GARIN4: variants seen among roughly 807,000 people sequenced by gnomAD.
GARIN4 encodes the protein Golgi-associated RAB2 interactor protein 4.
chr1:212,625,821 C>A, the GARIN4 span: 30,419 of 1,614,142 alleles, frequency 0.019, 530 homozygotes, highest in African/African-American at 0.071. Context: ...ATAGCTGGGG[C>A]GGCCACCATC....
At chr1:212,626,318 C>T in the GARIN4 span, 1 of 1,614,162 alleles carries the variant, frequency 6.2e-7, no homozygotes, top group Admixed American at 1.7e-5. Context: ...CTGTGGCAAC[C>T]CGGGGAGCAG....
the GARIN4 span, chr1:212,625,172 G>A: frequency 1.2e-6 from 2 of 1,614,152 alleles, no homozygotes; most frequent in Non-Finnish European, 1.7e-6. Flanking sequence ...CGAAGAGTAT[G>A]CTGGACATGG....
the GARIN4 span, chr1:212,624,779 T>G: frequency 6.9e-7 from 1 of 1,441,454 alleles, no homozygotes; most frequent in Non-Finnish European, 9.1e-7. Context: ...GAGACATCTT[T>G]GTGACCCAGG....
At chr1:212,624,519 TCTCTCAGG>T in the GARIN4 span, 3 of 164,032 alleles carry the variant, frequency 1.8e-5, no homozygotes, top group Non-Finnish European at 3.9e-5. Context: ...GTTTGTAGTC[TCTCTCAGG>T]GAGAGAGACT....
chr1:212,624,590 A>G, the GARIN4 span: 4 of 315,838 alleles, frequency 1.3e-5, no homozygotes, highest in East Asian at 5.4e-5. Context: ...TAGGTCCAGA[A>G]GAAAACCTCT....
the GARIN4 span, chr1:212,625,805 G>A: frequency 1.7e-5 from 27 of 1,614,032 alleles, no homozygotes; most frequent in South Asian, 3.3e-5. Flanking sequence ...ACAGGTGAGC[G>A]CAGCCATAGC....
chr1:212,625,754 G>GC, the GARIN4 span: 1 of 1,613,948 alleles, frequency 6.2e-7, no homozygotes, highest in Non-Finnish European at 8.5e-7. Flanking sequence ...AGGCACCGTA[G>GC]CAGGTGCCTT....
the GARIN4 span, chr1:212,626,592 G>A: frequency 6.2e-7 from 1 of 1,614,080 alleles, no homozygotes; most frequent in Non-Finnish European, 8.5e-7. Flanking sequence ...GCAGAGGGTG[G>A]CCAGGGGCTG....
the GARIN4 span, chr1:212,625,261 G>T: frequency 6.2e-7 from 1 of 1,614,188 alleles, no homozygotes. Context: ...GGTTTGTACG[G>T]ATCTCTGTTC....
the GARIN4 span, chr1:212,626,709 A>G: frequency 7.2e-6 from 11 of 1,534,022 alleles, no homozygotes; most frequent in Non-Finnish European, 9.6e-6. Context: ...AGCTCATGGG[A>G]GTGTCCCTGG....
the GARIN4 span, chr1:212,625,588 T>G: frequency 8.6e-5 from 139 of 1,614,196 alleles, no homozygotes; most frequent in African/African-American, 1.6e-3. Context: ...CCTCTGCTGC[T>G]TATGCTGGAG....
the GARIN4 span, chr1:212,625,759 T>A: frequency 3.1e-6 from 5 of 1,613,904 alleles, no homozygotes; most frequent in Non-Finnish European, 4.2e-6. Flanking sequence ...CCGTAGCAGG[T>A]GCCTTGAGTG....
At chr1:212,624,741 G>A in the GARIN4 span, 1 of 1,421,470 alleles carries the variant, frequency 7.0e-7, no homozygotes, top group Non-Finnish European at 9.2e-7. Context: ...GGCCTGTGGG[G>A]TGGGGTGGGA....
At chr1:212,625,684 G>A in the GARIN4 span, 2 of 1,614,104 alleles carry the variant, frequency 1.2e-6, no homozygotes, top group Non-Finnish European at 1.7e-6. Flanking sequence ...TTGCTGAGGA[G>A]CCAGCAACAG....
chr1:212,624,641 G>T, the GARIN4 span: 1 of 555,854 alleles, frequency 1.8e-6, no homozygotes. Flanking sequence ...GAAGAGTCTG[G>T]AGTCCAGGCA....
the GARIN4 span, chr1:212,626,439 A>G: frequency 2.8e-5 from 45 of 1,614,236 alleles, 1 homozygote; most frequent in South Asian, 4.7e-4. Flanking sequence ...GGTTCCAGCA[A>G]GGGACTTGGC....
At chr1:212,624,607 C>A in the GARIN4 span, 1 of 371,112 alleles carries the variant, frequency 2.7e-6, no homozygotes, top group Non-Finnish European at 4.7e-6. Flanking sequence ...CTCTCTGGAG[C>A]CCACCCTGCA....
chr1:212,625,482 G>A, the GARIN4 span: 2 of 1,614,228 alleles, frequency 1.2e-6, no homozygotes, highest in Non-Finnish European at 1.7e-6. Flanking sequence ...CAGGAAGACA[G>A]GAGGAGCCTG....
chr1:212,625,245 C>T, the GARIN4 span: 1 of 1,614,068 alleles, frequency 6.2e-7, no homozygotes, highest in Non-Finnish European at 8.5e-7. Flanking sequence ...AGGCTTCTGC[C>T]CCTGAGGTTT....
Sources: gnomAD v4.1 joint callset for allele counts on GRCh38, gnomAD v4.1.1 for gene constraint, MANE v1.5 for transcripts, NCBI Gene and HGNC (gene_info 2026-07-23, HGNC 2026-07-21) for gene names.